SYNPO: variants seen among roughly 807,000 people sequenced by gnomAD.
SYNPO encodes the protein synaptopodin.
Under a neutral mutation model 49.5 loss-of-function variants are expected in SYNPO, and 19 were observed. The observed-to-expected ratio is 0.38, with a 90% CI of 0.27 to 0.56. The LOEUF is 0.56. SYNPO is among the 20% of genes least tolerant of loss of function. The probability of loss-of-function intolerance (pLI) is 0.68; values close to 1 mark genes in which losing one functional copy is unlikely to be tolerated. For synonymous variants in SYNPO, 536 were observed against 548.0 expected (o/e 0.98, Z 0.31); for missense variants, 1,131 against 1,248.3 (o/e 0.91, Z 1.42).
intron 2 of SYNPO, chr5:150,652,273 C>G: frequency 1.0e-6 from 1 of 999,666 alleles, no homozygotes; most frequent in Non-Finnish European, 1.2e-6. Context: ...GCAGCTCCTG[C>G]GGCCAGGCTG....
intron 1 of SYNPO, among the ~76,000 whole-genome samples, chr5:150,610,465 C>T (rs1756816485): frequency 6.6e-6 from 1 of 152,196 alleles, no homozygotes; most frequent in Admixed American, 6.5e-5. Context: ...CCTCTGCTTC[C>T]TCAATCTGTT....
the SYNPO span, among the ~76,000 whole-genome samples, chr5:150,587,536 T>A: frequency 3.9e-5 from 6 of 152,074 alleles, no homozygotes; most frequent in Non-Finnish European, 7.4e-5. Context: ...TGGATGGATG[T>A]CTGGGTGGAA....
chr5:150,607,222 C>T (rs531904302), intron 1 of SYNPO, among the ~76,000 whole-genome samples: 3 of 151,880 alleles, frequency 2.0e-5, no homozygotes, highest in East Asian at 1.9e-4. Flanking sequence ...TATTTAGTGA[C>T]GTCTTTGTGG....
intron 2 of SYNPO, chr5:150,652,944 A>G (rs907365933): frequency 1.3e-5 from 2 of 152,190 alleles, no homozygotes; most frequent in African/African-American, 4.8e-5. Flanking sequence ...TCTGGGCCTC[A>G]GTTTCCCCTT....
intron 1 of SYNPO, among the ~76,000 whole-genome samples, chr5:150,609,873 G>C (rs962999326): frequency 2.6e-5 from 4 of 152,062 alleles, no homozygotes; most frequent in African/African-American, 9.7e-5. Context: ...CCTTGGGCAA[G>C]TCCCTCCCCA....
chr5:150,644,565 A>C (rs1758021971), intron 1 of SYNPO, among the ~76,000 whole-genome samples: 1 of 152,196 alleles, frequency 6.6e-6, no homozygotes, highest in Non-Finnish European at 1.5e-5. Context: ...GCTTCATGGC[A>C]GTCAGGCCTT....
intron 1 of SYNPO, among the ~76,000 whole-genome samples, chr5:150,602,664 A>G (rs1319862084): frequency 1.3e-5 from 2 of 152,102 alleles, no homozygotes; most frequent in Admixed American, 1.3e-4. Flanking sequence ...TCTGTCACCC[A>G]GGCTGGAGTC....
intron 2 of SYNPO, among the ~76,000 whole-genome samples, chr5:150,628,905 C>CA (rs1347146128): frequency 6.6e-6 from 1 of 152,038 alleles, no homozygotes; most frequent in African/African-American, 2.4e-5. Flanking sequence ...GAGACTCCAG[C>CA]AAAAAAATAG....
At chr5:150,625,592 C>T (rs1271360840) in intron 2 of SYNPO, among the ~76,000 whole-genome samples, 3 of 152,206 alleles carry the variant, frequency 2.0e-5, no homozygotes, top group African/African-American at 4.8e-5. Context: ...TTTGCAATTG[C>T]CCTCCTTGCC....
At chr5:150,641,438 C>T (rs958556801) in intron 1 of SYNPO, among the ~76,000 whole-genome samples, 3 of 152,230 alleles carry the variant, frequency 2.0e-5, no homozygotes, top group East Asian at 3.9e-4. Context: ...TGTCCCACCC[C>T]GCCCCACCTG....
At chr5:150,654,854 G>A (rs1453506802) in intron 2 of SYNPO, among the ~76,000 whole-genome samples, 2 of 152,212 alleles carry the variant, frequency 1.3e-5, no homozygotes, top group South Asian at 2.1e-4. Context: ...GGCCAGGCGC[G>A]GTGGCTCACG....
Position 150,657,211 on chromosome 5 carries a change from C to T in SYNPO, c.*124C>T. 2 of 1,135,702 alleles carry T rather than the reference C, an allele frequency of 1.8e-6. No homozygotes were observed. Among genetic ancestry groups the T allele is most frequent in the African/African-American group, 1.6e-5 (1 of 63,972 alleles). 70.4% of individuals were successfully genotyped at this position (1,135,702 alleles called of 1,614,324 possible). ...GATGAGGGGTCAGCAGAGGAGAGCT[C>T]TGGGGTTGGGGATGGGTTAGGGACG... On this transcript the variant is annotated 3_prime_UTR_variant, in exon 3 of 3. Transcript: ENST00000307662.
chr5:150,609,891 C>T (rs1756801501), intron 1 of SYNPO, among the ~76,000 whole-genome samples: 1 of 152,148 alleles, frequency 6.6e-6, no homozygotes, highest in African/African-American at 2.4e-5. Flanking sequence ...CCATCTGAGC[C>T]CCCATTTTCT....
At chr5:150,630,872 G>A (rs1757513906) in intron 2 of SYNPO, among the ~76,000 whole-genome samples, 1 of 152,170 alleles carries the variant, frequency 6.6e-6, no homozygotes, top group Non-Finnish European at 1.5e-5. Context: ...CCCTCTCTGG[G>A]CCTCAAACAT....
At position 150,626,049 on chromosome 5, in the gene SYNPO, C is replaced by G. The variant is rs573581506; in HGVS notation, c.400+7282C>G. On this transcript the variant is annotated intron_variant, in intron 2 of 2. Coordinates refer to the SYNPO transcript ENST00000394243. ...GGGCTAGTCAGAGGGTGCCCTACCC[C>G]CTGTCCATTAGAAAGTGGAAGTGAA... Among the ~76,000 whole-genome samples, 13 of 152,310 alleles carry G rather than the reference C, an allele frequency of 8.5e-5. No homozygotes were observed. In the South Asian group the frequency reaches 2.1e-3, roughly 24 times the overall value.
upstream of SYNPO, among the ~76,000 whole-genome samples, chr5:150,636,727 G>C (rs1757726849): frequency 6.6e-6 from 1 of 151,926 alleles, no homozygotes; most frequent in Non-Finnish European, 1.5e-5. Context: ...CCTCCTCTGA[G>C]GGGGCCTGGG....
At chr5:150,618,601 G>C in exon 2 of SYNPO, 1 of 1,551,410 alleles carries the variant, frequency 6.4e-7, no homozygotes, top group East Asian at 2.4e-5. Flanking sequence ...GGACACCGCA[G>C]CTGCCCAAAG....
intron 2 of SYNPO, among the ~76,000 whole-genome samples, chr5:150,629,080 A>G (rs945632234): frequency 6.6e-6 from 1 of 152,106 alleles, no homozygotes; most frequent in Admixed American, 6.6e-5. Context: ...GTGCAGTGGC[A>G]TGATTATGGC....
chr5:150,650,987 C>G lies in SYNPO; in HGVS notation c.2028+684C>G, dbSNP rs903878262. The G allele has an allele frequency of 4.0e-6, 5 of 1,245,680 alleles. No individual in the cohort carries two copies. In the African/African-American group the frequency reaches 4.7e-5, roughly 12 times the overall value. 77.2% of individuals were successfully genotyped at this position (1,245,680 alleles called of 1,614,324 possible). On this transcript the variant is annotated intron_variant, in intron 2 of 2. Transcript: ENST00000307662. ...GACTCGGCCCACCACTGCTGTCTGA[C>G]GCTTTTCTTCCTGCCCCCTCTGAGG...
Sources: gnomAD v4.1 joint callset for allele counts (sites outside exome capture counted in the v4.1 genomes callset) on GRCh38, gnomAD v4.1.1 for gene constraint, MANE v1.5 for transcripts, NCBI Gene and HGNC (gene_info 2026-07-23, HGNC 2026-07-21) for gene names.